The following MGAM2 variants were observed in gnomAD, a reference collection of about 807,000 sequenced individuals.
MGAM2 encodes maltase-glucoamylase 2 (putative), also known as probable maltase-glucoamylase 2.
MGAM2 carries 98 observed loss-of-function variants against 96.1 expected under a neutral mutation model. The observed-to-expected ratio is 1.02, with a 90% CI of 0.87 to 1.21. MGAM2 has a LOEUF of 1.21. MGAM2 is among the 50% of genes most tolerant of loss of function. The pLI is 0.00. For missense variants in MGAM2, 2,055 were observed against 1,182.4 expected, an observed-to-expected ratio of 1.74 and a Z score of -10.82; for synonymous variants, 749 against 414.8, an observed-to-expected ratio of 1.81 and a Z score of -9.79.
intron 40 of MGAM2, among the ~76,000 whole-genome samples, chr7:142,197,045 A>G (rs892438635): frequency 6.6e-6 from 1 of 152,180 alleles, no homozygotes; most frequent in Non-Finnish European, 1.5e-5. Context: ...AGGTTTTTAT[A>G]GTTCCACATG....
chr7:142,178,788 T>C (rs1289958666), intron 32 of MGAM2, among the ~76,000 whole-genome samples: 1 of 152,216 alleles, frequency 6.6e-6, no homozygotes. Flanking sequence ...AGAATAGTTT[T>C]TCTAATTATG....
At chr7:142,199,617 A>G (rs1193816803) in intron 44 of MGAM2, among the ~76,000 whole-genome samples, 1 of 152,202 alleles carries the variant, frequency 6.6e-6, no homozygotes, top group Non-Finnish European at 1.5e-5. Flanking sequence ...TTCCTATGAA[A>G]TTAATATTTC....
At chr7:142,175,982 G>T (rs1222089739) in intron 32 of MGAM2, among the ~76,000 whole-genome samples, 1 of 151,572 alleles carries the variant, frequency 6.6e-6, no homozygotes, top group Non-Finnish European at 1.5e-5. Context: ...AATGAAAAGG[G>T]GCTTTTAAAA....
At chr7:142,130,813 G>T (rs1019453001) in intron 3 of MGAM2, 135 bp from the exon 4 acceptor site, 4 of 585,760 alleles carry the variant, frequency 6.8e-6, no homozygotes, top group African/African-American at 5.6e-5. Context: ...AATAAATAAA[G>T]AACAAATAAA....
intron 23 of MGAM2, among the ~76,000 whole-genome samples, chr7:142,163,908 T>A (rs1186394327): frequency 6.6e-6 from 1 of 152,222 alleles, no homozygotes; most frequent in Non-Finnish European, 1.5e-5. Flanking sequence ...TTTTGATGAA[T>A]CTAATTTATC....
At position 142,193,126 on chromosome 7, in the gene MGAM2, C is replaced by T. The variant is rs553074594; in HGVS notation, c.4347-3028C>T. On this transcript the variant is annotated intron_variant, in intron 37 of 47. Transcript: ENST00000477922. ...TCAAGCTGTTTGAAGGAACTCTTTC[C>T]ATACATGATATATATATTTTTTAAT... is the stretch of plus-strand genomic sequence containing the variant. Among the ~76,000 whole-genome samples, 8 of 152,264 alleles carry T rather than the reference C, an allele frequency of 5.3e-5. No individual in the cohort carries two copies. The South Asian group carries it at 1.7e-3, about 32-fold the overall frequency.
intron 37 of MGAM2, among the ~76,000 whole-genome samples, chr7:142,195,191 C>G (rs1234388552): frequency 6.6e-6 from 1 of 151,882 alleles, no homozygotes; most frequent in Non-Finnish European, 1.5e-5. Flanking sequence ...GTGCACCACC[C>G]TGCCCAGCTA....
intron 37 of MGAM2, among the ~76,000 whole-genome samples, chr7:142,191,205 G>A (rs1344837231): frequency 6.6e-6 from 1 of 152,046 alleles, no homozygotes; most frequent in Non-Finnish European, 1.5e-5. Flanking sequence ...GAGATATATA[G>A]TTTGAGGATA....
intron 8 of MGAM2, among the ~76,000 whole-genome samples, chr7:142,137,012 C>A (rs1185462626): frequency 6.6e-6 from 1 of 152,174 alleles, no homozygotes; most frequent in African/African-American, 2.4e-5. Context: ...CCCACCCACA[C>A]TTTCCCCACT....
intron 3 of MGAM2, among the ~76,000 whole-genome samples, chr7:142,125,451 T>C (rs551479913): frequency 1.3e-5 from 2 of 152,296 alleles, no homozygotes; most frequent in South Asian, 4.1e-4. Context: ...ACTGACCTTT[T>C]GAATTAGACT....
In MGAM2 at chr7:142,220,970, C is replaced by A. The variant is rs570637188; in HGVS notation, c.6459C>A (p.Ser2153Arg). 11 of 701,868 alleles carry A rather than the reference C, an allele frequency of 1.6e-5. No homozygotes were observed. The highest frequency in any genetic ancestry group is 2.9e-5 in the Non-Finnish European group (11 of 384,678). The allele number at this position is 701,868 out of a possible 1,614,324, so 43.5% of individuals were successfully genotyped here. Residue 2153 changes from serine to arginine, a missense_variant, in exon 48 of 48, where the codon AGC becomes AGA. By Grantham distance (110) the Ser-to-Arg change is moderately radical (BLOSUM62 -1). Coordinates refer to ENST00000477922, the MANE Select transcript of MGAM2 (RefSeq NM_001293626.2). ...TTCAAACAAATACTACTAATGCTAG[C>A]ACTAGTACTAATGTTGCTAATATAA... ...TPVQTNTTNASTSTNVANITA... is the reference protein window; with the variant it reads ...TPVQTNTTNARTSTNVANITA...
Position 142,189,372 on chromosome 7 carries a change from G to C in MGAM2, c.4213G>C (p.Glu1405Gln), listed in dbSNP as rs1488919602. Reference protein sequence around the residue: ...LNNPPYMPYLESRDKGLSSKT... With the variant: ...LNNPPYMPYLQSRDKGLSSKT... ...AACTCAACATTTCCCCTCAGATTTG[G>C]AATCTAGGGACAAGGGCCTGAGCAG... Residue 1405 changes from glutamate (E) to glutamine (Q), a missense_variant, in exon 37 of 48, where the codon GAA (glutamate) becomes CAA (glutamine). Physicochemically the swap from Glu to Gln is conservative, Grantham distance 29. Transcript: ENST00000477922. The C allele has an allele frequency of 2.9e-6, 2 of 694,048 alleles. No individual in the cohort carries two copies. Among genetic ancestry groups the C allele is most frequent in the African/African-American group, 1.8e-5 (1 of 56,286 alleles). 43.0% of individuals were successfully genotyped at this position (694,048 alleles called of 1,614,324 possible).
rs552032216 is a variant in MGAM2, at chr7:142,218,515, G to A, written c.5342G>A (p.Ser1781Asn). The stretch of plus-strand genomic sequence containing the variant: ...CAATTTATGGAGACAAATTTCAAGA[G>A]TGAACCTTATAATCAGGTAGGTCTG... ...NRQFMETNFKSEPYNQILTIQ... is the reference protein window; with the variant it reads ...NRQFMETNFKNEPYNQILTIQ... The change falls in exon 47 of 48, where the codon AGT becomes AAT. Residue 1781 changes from serine to asparagine, a missense_variant. Ser to Asn is a conservative substitution (Grantham distance 46, BLOSUM62 1). Coordinates refer to ENST00000477922, the MANE Select transcript of MGAM2 (RefSeq NM_001293626.2). 242 of 699,104 alleles carry A rather than the reference G, an allele frequency of 3.5e-4. 1 individual carries two copies. In the African/African-American group the frequency reaches 3.5e-3, roughly 10 times the overall value. 43.3% of individuals were successfully genotyped at this position (699,104 alleles called of 1,614,324 possible). A position where few individuals can be genotyped will look rare whatever the true frequency, so the allele number is the denominator to read the frequency against.
Position 142,221,355 on chromosome 7 carries a change from A to C in MGAM2, c.6844A>C (p.Ser2282Arg), listed in dbSNP as rs149660600. Reference sequence around the variant, plus strand: ...TCCAAGTACTGATGCTACTACTACAAGTAATAATACTAATCCTGGCATGAC... The same window carrying C: ...TCCAAGTACTGATGCTACTACTACACGTAATAATACTAATCCTGGCATGAC... ...PSPSTDATTT[S>R]NNTNPGMTTY... The change falls in exon 48 of 48, where the codon AGT becomes CGT. Residue 2282 changes from serine to arginine, a missense_variant. Ser to Arg is a moderately radical substitution (Grantham distance 110). Transcript: ENST00000477922. 11 of 624,512 alleles carry C rather than the reference A, an allele frequency of 1.8e-5. No individual in the cohort carries two copies. The East Asian group carries it at 3.0e-4, about 17-fold the overall frequency. The allele number at this position is 624,512 out of a possible 1,614,324, so 38.7% of individuals were successfully genotyped here. A position where few individuals can be genotyped will look rare whatever the true frequency, so the allele number is the denominator to read the frequency against.
chr7:142,189,594 G>T, intron 37 of MGAM2, 89 bp downstream of exon 37: 1 of 531,738 alleles, frequency 1.9e-6, no homozygotes, highest in South Asian at 2.7e-5. Flanking sequence ...GTATCTACGT[G>T]ATCCGAGTTA....
Position 142,221,544 on chromosome 7 carries a change from A to C in MGAM2, c.7033A>C (p.Thr2345Pro). Reference sequence around the variant, plus strand: ...AAATGCAAACACCATTATTTTCAACACTCTTGATACAAAAAGTACCATGGT... The same window carrying C: ...AAATGCAAACACCATTATTTTCAACCCTCTTGATACAAAAAGTACCATGGT... ...PTNANTIIFN[T>P]LDTKSTMVID... Residue 2345 changes from threonine to proline, a missense_variant, in exon 48 of 48, where the codon ACT becomes CCT. By Grantham distance (38) the Thr-to-Pro change is conservative. Transcript: ENST00000477922. The C allele has an allele frequency of 1.9e-6, 1 of 532,996 alleles. No individual in the cohort carries two copies. The highest frequency in any genetic ancestry group is 3.3e-6 in the Non-Finnish European group (1 of 304,726). The allele number at this position is 532,996 out of a possible 1,614,324, so 33.0% of individuals were successfully genotyped here.
At chr7:142,136,313 A>G (rs915281189) in intron 7 of MGAM2, among the ~76,000 whole-genome samples, 1 of 152,178 alleles carries the variant, frequency 6.6e-6, no homozygotes, top group Non-Finnish European at 1.5e-5. Flanking sequence ...TGCAGTGTGT[A>G]TGATTATTTT....
chr7:142,179,672 T>G (rs112933833), intron 32 of MGAM2, among the ~76,000 whole-genome samples: 1,580 of 152,348 alleles, frequency 0.01, 21 homozygotes, highest in African/African-American at 0.036. Flanking sequence ...GATTTGCCTA[T>G]GTTGAGCCAA....
rs1019261658 is a variant in MGAM2 at position 142,116,652 on chromosome 7, C to G, written c.1-222C>G. 5.3e-5 allele frequency among the ~76,000 whole-genome samples: 8 copies of G among 152,174 alleles called. 1 individual carries two copies. The highest frequency in any genetic ancestry group is 1.9e-4 in the African/African-American group (8 of 41,444). On this transcript the variant is annotated intron_variant, in intron 1 of 47. Coordinates refer to ENST00000477922, the MANE Select transcript of MGAM2 (RefSeq NM_001293626.2). ...CCTTGGACAATCCTCAGTTCCTCTA[C>G]ATGCAAAAAAGGCAAGAGCTCTACA...
Sources: gnomAD v4.1 joint callset for allele counts (sites outside exome capture counted in the v4.1 genomes callset) on GRCh38, gnomAD v4.1.1 for gene constraint, MANE v1.5 for transcripts, NCBI Gene and HGNC (gene_info 2026-07-23, HGNC 2026-07-21) for gene names.